The following LTBP1 variants were observed in gnomAD, a reference collection of about 807,000 sequenced individuals.
LTBP1 encodes the protein latent transforming growth factor beta binding protein 1.
In LTBP1, 129 loss-of-function variants were observed where a neutral mutation model predicts 207.6. That is an observed-to-expected ratio of 0.62 (90% CI 0.54 to 0.72). The LOEUF (loss-of-function observed/expected upper bound fraction) is 0.72, where lower values mean the gene tolerates loss of function less well. LTBP1 is among the 30% of genes least tolerant of loss of function. The pLI, the probability that LTBP1 is intolerant of heterozygous loss-of-function variation, is 0.00. For missense variants in LTBP1, 2,281 were observed against 2,217.2 expected (o/e 1.03, Z -0.58); for synonymous variants, 963 against 833.7 (o/e 1.16, Z -2.67).
In LTBP1 at chr2:33,038,168, G is replaced by C. The variant is rs139083093; in HGVS notation, c.863+16962G>C. Among the ~76,000 whole-genome samples, 589 of 152,294 alleles carry C rather than the reference G, an allele frequency of 3.9e-3. 4 individuals are homozygous for C. The highest frequency in any genetic ancestry group is 0.014 in the African/African-American group (567 of 41,560). On this transcript the variant is annotated intron_variant, in intron 3 of 33. Coordinates refer to ENST00000404816, the MANE Select transcript of LTBP1 (RefSeq NM_206943.4). ...TGATCACTCAGATACTTTTTAATTT[G>C]AATGCCAAACCAACATAAAGGCGAA...
intron 9 of LTBP1, among the ~76,000 whole-genome samples, chr2:33,243,313 T>G (rs1046124729): frequency 3.9e-5 from 6 of 152,238 alleles, no homozygotes; most frequent in African/African-American, 1.4e-4. Flanking sequence ...ATAGTTAGAC[T>G]GTCAGTGCTT....
intron 19 of LTBP1, chr2:33,285,800 C>G (rs1258614298): frequency 1.3e-5 from 2 of 151,874 alleles, no homozygotes; most frequent in Admixed American, 6.6e-5. Context: ...TGTTCAATAT[C>G]TCCCATCCAA....
intron 2 of LTBP1, among the ~76,000 whole-genome samples, chr2:32,954,526 T>A (rs1452563729): frequency 6.6e-6 from 1 of 150,444 alleles, no homozygotes; most frequent in Non-Finnish European, 1.5e-5. Context: ...TCAGTCATAC[T>A]GTATTAGGGC....
intron 3 of LTBP1, among the ~76,000 whole-genome samples, chr2:33,055,519 G>T (rs2076954458): frequency 6.6e-6 from 1 of 152,186 alleles, no homozygotes; most frequent in African/African-American, 2.4e-5. Context: ...CTGACCAGTA[G>T]GGAATTTGTC....
chr2:33,162,375 A>G (rs1025827654), intron 5 of LTBP1, among the ~76,000 whole-genome samples: 2 of 152,226 alleles, frequency 1.3e-5, no homozygotes, highest in African/African-American at 4.8e-5. Flanking sequence ...ATGACTATAT[A>G]TCTAATAATT....
At chr2:33,138,676 A>G (rs146057264) in intron 5 of LTBP1, among the ~76,000 whole-genome samples, 1 of 152,318 alleles carries the variant, frequency 6.6e-6, no homozygotes, top group East Asian at 1.9e-4. Flanking sequence ...CAACTAGAAT[A>G]TTTCAAACAC....
chr2:33,223,972 C>T (rs1379700536), intron 9 of LTBP1, among the ~76,000 whole-genome samples: 1 of 152,154 alleles, frequency 6.6e-6, no homozygotes, highest in African/African-American at 2.4e-5. Flanking sequence ...TCAGGAAACT[C>T]GGTGTCGAGG....
chr2:33,333,458 C>G (rs1279707075), intron 24 of LTBP1, among the ~76,000 whole-genome samples: 7 of 152,128 alleles, frequency 4.6e-5, no homozygotes, highest in African/African-American at 1.7e-4. Context: ...CAGGCTAGAG[C>G]AGTGGCAACA....
intron 7 of LTBP1, among the ~76,000 whole-genome samples, chr2:33,208,266 A>G (rs1418256609): frequency 1.3e-5 from 2 of 152,220 alleles, no homozygotes; most frequent in African/African-American, 4.8e-5. Context: ...ATGGATTATA[A>G]TGTGACTTTA....
At chr2:33,085,427 G>A (rs1425227614) in intron 3 of LTBP1, among the ~76,000 whole-genome samples, 2 of 152,106 alleles carry the variant, frequency 1.3e-5, no homozygotes, top group Non-Finnish European at 2.9e-5. Context: ...TTACCTTCAG[G>A]ACAGGTTTCC....
At chr2:33,142,062 C>CT (rs199630182) in intron 5 of LTBP1, among the ~76,000 whole-genome samples, 2,431 of 152,006 alleles carry the variant, frequency 0.016, 26 homozygotes, top group East Asian at 0.028. Flanking sequence ...CTTCAGCATT[C>CT]TTTTTTTTAG....
Position 33,020,963 on chromosome 2 carries a change from G to C in LTBP1, c.620G>C (p.Cys207Ser). Residue 207 changes from cysteine to serine, a missense_variant, in exon 3 of 34, where the codon TGT (cysteine) becomes TCT (serine). Coordinates refer to ENST00000404816, the MANE Select transcript of LTBP1 (RefSeq NM_206943.4). ...NGGMCLRPQL[C>S]VCKPGTKGKA... ...GGGATGTGTCTCCGGCCACAACTCTGTGTGTGTAAACCAGGGACCAAGGGC... is the reference window on the plus strand; with the variant it reads ...GGGATGTGTCTCCGGCCACAACTCTCTGTGTGTAAACCAGGGACCAAGGGC... 1.2e-6 allele frequency: 2 copies of C among 1,609,428 alleles called. No individual in the cohort carries two copies. The highest frequency in any genetic ancestry group is 1.7e-6 in the Non-Finnish European group (2 of 1,176,556).
At chr2:33,315,041 A>G in intron 23 of LTBP1, 103 bp from the exon 24 acceptor site, 1 of 900,288 alleles carries the variant, frequency 1.1e-6, no homozygotes, top group East Asian at 2.6e-5. Context: ...CACTAAATAA[A>G]TGTCCAGCCA....
At chr2:33,172,557 A>G (rs1355961741) in intron 5 of LTBP1, among the ~76,000 whole-genome samples, 3 of 152,086 alleles carry the variant, frequency 2.0e-5, no homozygotes, top group African/African-American at 7.2e-5. Context: ...TAATAATGGG[A>G]GACTTTAACA....
At chr2:33,125,173 G>A (rs931932904) in intron 4 of LTBP1, among the ~76,000 whole-genome samples, 5 of 152,334 alleles carry the variant, frequency 3.3e-5, no homozygotes, top group South Asian at 2.1e-4. Context: ...CATTACAAGT[G>A]TAGGAGAGGC....
In LTBP1 at chr2:33,333,930, G is replaced by C. The variant is rs140866167; in HGVS notation, c.3731-8908G>C. Among the ~76,000 whole-genome samples the C allele has an allele frequency of 3.6e-4, 55 of 152,274 alleles. No homozygotes were observed. The East Asian group carries it at 0.01, about 28-fold the overall frequency. ...GCCAACATATAGGGGTCAAGTAAAA[G>C]AGACCCTGTAGGAGGAGTCCAGGGA... On this transcript the variant is annotated intron_variant, in intron 24 of 33. Transcript: ENST00000404816.
chr2:33,319,419 T>C (rs1381308678), intron 24 of LTBP1, among the ~76,000 whole-genome samples: 1 of 152,040 alleles, frequency 6.6e-6, no homozygotes, highest in East Asian at 1.9e-4. Flanking sequence ...AAAAAATCCT[T>C]ATCATTGCAT....
At chr2:33,037,320 G>T (rs1329314452) in intron 3 of LTBP1, among the ~76,000 whole-genome samples, 2 of 152,212 alleles carry the variant, frequency 1.3e-5, no homozygotes, top group Admixed American at 6.5e-5. Context: ...TGCTGCAATT[G>T]TGTAGTAAGT....
chr2:33,113,184 A>G (rs1356857730), intron 4 of LTBP1, among the ~76,000 whole-genome samples: 3 of 152,186 alleles, frequency 2.0e-5, no homozygotes, highest in East Asian at 3.8e-4. Flanking sequence ...TTTAAAAGTG[A>G]TTAAAAAGGG....
Sources: allele counts gnomAD v4.1 joint callset (sites outside exome capture counted in the v4.1 genomes callset), GRCh38; gene constraint gnomAD v4.1.1; transcripts MANE v1.5; gene names NCBI Gene and HGNC (gene_info 2026-07-23, HGNC 2026-07-21).